Variants in XIAP observed in about 807,000 individuals in gnomAD.
XIAP encodes E3 ubiquitin-protein ligase XIAP.
XIAP carries 3 observed loss-of-function variants against 33.1 expected under a neutral mutation model. That is an observed-to-expected ratio of 0.09 (90% CI 0.04 to 0.23). The LOEUF (loss-of-function observed/expected upper bound fraction) is 0.23, where lower values mean the gene tolerates loss of function less well. Ranked by LOEUF, XIAP falls within the 10% of genes least tolerant of loss-of-function variation. The pLI, the probability that XIAP is intolerant of heterozygous loss-of-function variation, is 1.00. For missense variants in XIAP, 264 were observed against 363.0 expected, an observed-to-expected ratio of 0.73 and a Z score of 2.22; for synonymous variants, 98 against 121.3, an observed-to-expected ratio of 0.81 and a Z score of 1.26.
intron 2 of XIAP, among the ~76,000 whole-genome samples, chrX:123,887,234 G>GT (rs925811812): frequency 9.0e-6 from 1 of 111,125 alleles, no homozygotes; most frequent in African/African-American, 3.3e-5. Flanking sequence ...TGTACTTTTA[G>GT]TAGAGACAGG....
intron 1 of XIAP, among the ~76,000 whole-genome samples, chrX:123,867,049 CTT>C (rs1312666624): frequency 6.2e-4 from 34 of 55,001 alleles, no homozygotes; most frequent in African/African-American, 1.1e-3. Context: ...CCCCCCCCCC[CTT>C]CAACATTCTA....
rs779648779 is a variant in XIAP at position 123,865,748 on chromosome X, ATATT to A, written c.-33+5457_-33+5460del. Among the ~76,000 whole-genome samples the A allele has an allele frequency of 2.7e-5, 3 of 110,254 alleles. No individual in the cohort carries two copies. The East Asian group carries it at 8.6e-4, about 32-fold the overall frequency. The stretch of plus-strand genomic sequence containing the variant: ...CAAAAAAAATAAAAGGGTATTTTGA[ATATT>A]TTATTTTATTTATTTGTTTTTGAGA... On this transcript the variant is annotated intron_variant, in intron 1 of 6. Coordinates refer to ENST00000371199, the MANE Select transcript of XIAP (RefSeq NM_001167.4).
Position 123,907,549 on chromosome X carries a change from G to A in XIAP, c.*368G>A, listed in dbSNP as rs1478756773. The A allele has an allele frequency of 7.9e-6, 3 of 380,022 alleles. No homozygotes were observed. The highest frequency in any genetic ancestry group is 9.8e-6 in the Non-Finnish European group (2 of 204,303). 31.3% of individuals were successfully genotyped at this position (380,022 alleles called of 1,213,427 possible). ...ATAGGCTTAACAAATGGAGCTTTCT[G>A]TATATAAATGTGGAGATTAGAGTTA... On this transcript the variant is annotated 3_prime_UTR_variant, in exon 7 of 7. Transcript: ENST00000371199.
In XIAP at chrX:123,878,328, CA is replaced by C. The variant is rs1453118104; in HGVS notation, c.-32-7301del. On this transcript the variant is annotated intron_variant, in intron 1 of 6. Transcript: ENST00000371199. ...ATGCAGAGTTGTGCAACTATCACCACAATCTAATTTTAGAACATTTTCATTA... is the reference window on the plus strand; with the variant it reads ...ATGCAGAGTTGTGCAACTATCACCACATCTAATTTTAGAACATTTTCATTA... 2.7e-5 allele frequency among the ~76,000 whole-genome samples: 3 copies of C among 111,762 alleles called. No homozygotes were observed. The Admixed American group carries it at 2.9e-4, about 11-fold the overall frequency.
chrX:123,868,585 C>T (rs28382707), intron 1 of XIAP, among the ~76,000 whole-genome samples: 1,655 of 110,337 alleles, frequency 0.015, 30 homozygotes, highest in African/African-American at 0.052. Context: ...GAAAAATTAA[C>T]TGGGCATGGT....
chrX:123,905,509 GCA>G (rs970608366), intron 6 of XIAP, among the ~76,000 whole-genome samples: 1 of 111,098 alleles, frequency 9.0e-6, no homozygotes, highest in African/African-American at 3.3e-5. Flanking sequence ...GCACACACAC[GCA>G]CACACACCCT....
chrX:123,865,371 A>T (rs1013169702), intron 1 of XIAP, among the ~76,000 whole-genome samples: 8 of 111,095 alleles, frequency 7.2e-5, no homozygotes, highest in Admixed American at 6.8e-4. Flanking sequence ...CAATGACCCC[A>T]TCTTTCTTTA....
intron 1 of XIAP, among the ~76,000 whole-genome samples, chrX:123,884,500 A>G (rs1240172505): frequency 1.9e-5 from 2 of 107,306 alleles, no homozygotes; most frequent in Admixed American, 2.0e-4. Context: ...AAAAAAAATC[A>G]ATTAATGCAC....
intron 1 of XIAP, among the ~76,000 whole-genome samples, chrX:123,867,676 T>G (rs1430561935): frequency 1.0e-5 from 1 of 95,326 alleles, no homozygotes; most frequent in Non-Finnish European, 2.1e-5. Context: ...CTGGCCTTTT[T>G]TTTTTTTTTT....
At chrX:123,906,856 G>C in intron 6 of XIAP, 132 bp from the exon 7 acceptor site, 3 of 718,258 alleles carry the variant, frequency 4.2e-6, no homozygotes. Context: ...CAGATGCCAC[G>C]GGTGAGTCAT....
At chrX:123,865,672 C>T (rs750703505) in intron 1 of XIAP, among the ~76,000 whole-genome samples, 10 of 110,837 alleles carry the variant, frequency 9.0e-5, no homozygotes, top group African/African-American at 3.3e-4. Context: ...TGCAGTGAGC[C>T]GAGATTGCGC....
intron 1 of XIAP, among the ~76,000 whole-genome samples, chrX:123,872,469 C>T (rs1226982128): frequency 9.1e-6 from 1 of 110,265 alleles, no homozygotes; most frequent in African/African-American, 3.3e-5. Context: ...GGGCAGATCA[C>T]CTGAAGTCAG....
At chrX:123,884,944 C>CAAAAAAAAAAAAAAAAAAAAA (rs5903649) in intron 1 of XIAP, among the ~76,000 whole-genome samples, 9 of 92,097 alleles carry the variant, frequency 9.8e-5, no homozygotes, top group African/African-American at 3.3e-4. Context: ...ATGTCATGGG[C>CAAAAAAAAAAAAAAAAAAAAA]AAAAAAAAAA....
At chrX:123,859,979 G>A (rs2053062983), upstream of XIAP, 2 of 295,480 alleles carry the variant, frequency 6.8e-6, no homozygotes, top group Non-Finnish European at 1.3e-5. Flanking sequence ...CCGGCCGGGG[G>A]TGGGAGGGAC....
At chrX:123,906,371 C>T (rs1254789982) in intron 6 of XIAP, among the ~76,000 whole-genome samples, 4 of 111,428 alleles carry the variant, frequency 3.6e-5, no homozygotes, top group African/African-American at 1.3e-4. Flanking sequence ...TCTGAAGATC[C>T]CAAACCTGTA....
At chrX:123,895,184 G>A (rs2053449023) in intron 5 of XIAP, among the ~76,000 whole-genome samples, 1 of 111,286 alleles carries the variant, frequency 9.0e-6, no homozygotes, top group South Asian at 3.7e-4. Flanking sequence ...TCTACTTTCT[G>A]TCTCTATGGA....
rs2053584357 is a variant in XIAP at position 123,909,897 on chromosome X, T to G, written c.*2716T>G. The G allele has an allele frequency of 3.0e-6, 1 of 328,069 alleles. No homozygotes were observed. Among genetic ancestry groups the G allele is most frequent in the Non-Finnish European group, 5.9e-6 (1 of 169,775 alleles). 27.0% of individuals were successfully genotyped at this position (328,069 alleles called of 1,213,427 possible). On this transcript the variant is annotated 3_prime_UTR_variant, in exon 7 of 7. Coordinates refer to ENST00000371199, the MANE Select transcript of XIAP (RefSeq NM_001167.4). ...TTGAACTATAAAAAGCACCGGATCT[T>G]TTCCATCTAATTCCGCAAAAATTGA... is the stretch of plus-strand genomic sequence containing the variant.
At chrX:123,867,108 C>T (rs1388393950) in intron 1 of XIAP, among the ~76,000 whole-genome samples, 2 of 81,782 alleles carry the variant, frequency 2.4e-5, no homozygotes, top group East Asian at 4.5e-4. Context: ...CTCGCTCTGT[C>T]GCCCAGGCTG....
At chrX:123,889,091 ATT>A (rs34602221) in intron 3 of XIAP, among the ~76,000 whole-genome samples, 27 of 68,897 alleles carry the variant, frequency 3.9e-4, no homozygotes, top group African/African-American at 1.3e-3. Context: ...TGCCTGGCTA[ATT>A]TTTTTTTTTT....
Sources: allele counts gnomAD v4.1 joint callset (sites outside exome capture counted in the v4.1 genomes callset), GRCh38; gene constraint gnomAD v4.1.1; transcripts MANE v1.5; gene names NCBI Gene and HGNC (gene_info 2026-07-23, HGNC 2026-07-21).